The following STK38L variants were observed in gnomAD, a reference collection of about 807,000 sequenced individuals.
STK38L encodes serine/threonine kinase 38 like, also known as serine/threonine-protein kinase 38-like.
In STK38L, 28 loss-of-function variants were observed where a neutral mutation model predicts 59.7. That is an observed-to-expected ratio of 0.47 (90% CI 0.35 to 0.64). The LOEUF is 0.64. STK38L is among the 30% of genes least tolerant of loss of function. The probability of loss-of-function intolerance (pLI) is 0.01; values close to 1 mark genes in which losing one functional copy is unlikely to be tolerated. For synonymous variants in STK38L, 162 were observed against 176.8 expected, an observed-to-expected ratio of 0.92 and a Z score of 0.66; for missense variants, 314 against 555.8, an observed-to-expected ratio of 0.56 and a Z score of 4.37.
At position 27,322,175 on chromosome 12, in the gene STK38L, A is replaced by G. The variant is rs765046515; in HGVS notation, c.1208A>G (p.Lys403Arg). Residue 403 changes from lysine (K) to arginine (R), a missense_variant, in exon 13 of 14, where the codon AAA becomes AGA. Physicochemically the swap from Lys to Arg is conservative, Grantham distance 26 (BLOSUM62 2). Around this residue, in one of 3 missense-constraint regions of STK38L, gnomAD observed 94 missense variants for 142.2 expected, o/e 0.66. Transcript: ENST00000389032. ...CCAGCAGCAATCCCTATAGAAATCAAAAGCATTGATGATACTTCAAATTTT... is the reference window on the plus strand; with the variant it reads ...CCAGCAGCAATCCCTATAGAAATCAGAAGCATTGATGATACTTCAAATTTT... ...ERPAAIPIEI[K>R]SIDDTSNFDD... 1.1e-5 allele frequency: 18 copies of G among 1,613,786 alleles called. No homozygotes were observed. In the Admixed American group the frequency reaches 1.3e-4, roughly 12 times the overall value.
At chr12:27,285,266 T>A (rs1041064574) in intron 1 of STK38L, among the ~76,000 whole-genome samples, 1 of 152,014 alleles carries the variant, frequency 6.6e-6, no homozygotes, top group Admixed American at 6.5e-5. Context: ...AATTAAGAAA[T>A]AAAAAAGGAA....
chr12:27,308,545 C>T lies in STK38L; in HGVS notation c.309+84C>T. On this transcript the variant is annotated intron_variant, in intron 4 of 13. Transcript: ENST00000389032. This position sits in a 1 kb window ranked among gnomAD's most constrained non-coding sequence, Gnocchi z 4.5. ...ATATGTGTTAAAATATAATTCCTGG[C>T]TGGGTGCGGTGGCTCACGCCTGTAA... 1 of 1,310,120 alleles carries T rather than the reference C, an allele frequency of 7.6e-7. No individual in the cohort carries two copies. Among genetic ancestry groups the T allele is most frequent in the Non-Finnish European group, 9.9e-7 (1 of 1,009,978 alleles). The allele number at this position is 1,310,120 out of a possible 1,614,324, so 81.2% of individuals were successfully genotyped here.
intron 5 of STK38L, among the ~76,000 whole-genome samples, chr12:27,311,256 T>G (rs1373063357): frequency 6.6e-6 from 1 of 152,238 alleles, no homozygotes; most frequent in East Asian, 1.9e-4. Flanking sequence ...CACTTTTCAC[T>G]TAATGAAACA....
intron 1 of STK38L, among the ~76,000 whole-genome samples, chr12:27,261,223 G>T (rs1341675367): frequency 6.6e-6 from 1 of 152,136 alleles, no homozygotes; most frequent in Non-Finnish European, 1.5e-5. Flanking sequence ...TTATCTGTGG[G>T]AGAATTCTAG....
chr12:27,273,697 T>A, intron 1 of STK38L, among the ~76,000 whole-genome samples: 1 of 149,318 alleles, frequency 6.7e-6, no homozygotes, highest in Non-Finnish European at 1.5e-5. Context: ...ATAGCCTCAC[T>A]GCTGAGAAAA....
rs754620405 is a variant in STK38L, at chr12:27,312,628, A to T, written c.473A>T (p.Gln158Leu). ...AWVVKMFYSF[Q>L]DKRNLYLIME... ...GTGGTGAAGATGTTTTACAGTTTTC[A>T]GGATAAGAGGAATCTTTATCTAATC... The change falls in exon 6 of 14, where the codon CAG becomes CTG. Residue 158 changes from glutamine (Q) to leucine (L), a missense_variant. Gln to Leu is a moderately radical substitution (Grantham distance 113). Around this residue, in one of 3 missense-constraint regions of STK38L, gnomAD observed 192 missense variants for 316.9 expected, o/e 0.61. Coordinates refer to ENST00000389032, the MANE Select transcript of STK38L (RefSeq NM_015000.4). 6.2e-7 allele frequency: 1 copy of T among 1,614,120 alleles called. No homozygotes were observed. The highest frequency in any genetic ancestry group is 8.5e-7 in the Non-Finnish European group (1 of 1,180,000).
At chr12:27,269,083 G>C (rs1943363250) in intron 1 of STK38L, among the ~76,000 whole-genome samples, 1 of 152,178 alleles carries the variant, frequency 6.6e-6, no homozygotes, top group Non-Finnish European at 1.5e-5. Context: ...TGTTCACTCT[G>C]ATGGTAGTTT....
At chr12:27,309,979 A>T (rs945522643) in intron 5 of STK38L, among the ~76,000 whole-genome samples, 1 of 152,098 alleles carries the variant, frequency 6.6e-6, no homozygotes, top group African/African-American at 2.4e-5. Context: ...TAAAGGAGGG[A>T]TGGCTTTTTG....
intron 1 of STK38L, among the ~76,000 whole-genome samples, chr12:27,276,640 A>G (rs1196470849): frequency 2.6e-5 from 4 of 152,266 alleles, no homozygotes; most frequent in Non-Finnish European, 5.9e-5. Flanking sequence ...AAGGTTAAAT[A>G]GTTTTAAAAA....
intron 7 of STK38L, among the ~76,000 whole-genome samples, 175 bp from the exon 8 acceptor site, chr12:27,314,840 T>G (rs1944547040): frequency 6.6e-6 from 1 of 152,200 alleles, no homozygotes; most frequent in Admixed American, 6.5e-5. Flanking sequence ...TCTTTTTATC[T>G]CCCTCCATTT....
intron 1 of STK38L, among the ~76,000 whole-genome samples, chr12:27,286,084 A>G (rs957922922): frequency 2.0e-5 from 3 of 151,938 alleles, no homozygotes; most frequent in Non-Finnish European, 4.4e-5. Flanking sequence ...TTATTCTCTG[A>G]TTTGTCTTTA....
intron 2 of STK38L, among the ~76,000 whole-genome samples, chr12:27,299,096 G>T (rs12581697): frequency 0.039 from 5,989 of 152,222 alleles, 410 homozygotes; most frequent in East Asian, 0.33. Flanking sequence ...AAGAAAGATT[G>T]ACAAAATGTG....
chr12:27,259,639 TC>T lies in STK38L; in HGVS notation c.-12+15314del, dbSNP rs869149204. Reference sequence around the variant, plus strand: ...GCAAAATAGAAGTGAAGGGTTTCTTTCCCCCCCTTTTTTTTCCTATCATGTA... The same window carrying T: ...GCAAAATAGAAGTGAAGGGTTTCTTTCCCCCCTTTTTTTTCCTATCATGTA... On this transcript the variant is annotated intron_variant, in intron 1 of 13. Coordinates refer to ENST00000389032, the MANE Select transcript of STK38L (RefSeq NM_015000.4). Among the ~76,000 whole-genome samples the T allele has an allele frequency of 2.6e-5, 4 of 152,028 alleles. 1 individual carries two copies. The highest frequency in any genetic ancestry group is 4.2e-4 in the South Asian group (2 of 4,816).
intron 1 of STK38L, among the ~76,000 whole-genome samples, chr12:27,289,497 C>T (rs1193718567): frequency 6.6e-6 from 1 of 152,188 alleles, no homozygotes; most frequent in East Asian, 1.9e-4. Flanking sequence ...CATAGGAAAA[C>T]TATTTCGAAA....
Position 27,279,104 on chromosome 12 carries a change from C to T in STK38L, c.-11-18606C>T, listed in dbSNP as rs377232382. On this transcript the variant is annotated intron_variant, in intron 1 of 13. Coordinates refer to ENST00000389032, the MANE Select transcript of STK38L (RefSeq NM_015000.4). ...ATCGAGGAGGTCATTATGATTTCTA[C>T]TGAATGTGCCTCATTTTCGGACCAT... 2.7e-4 allele frequency among the ~76,000 whole-genome samples: 41 copies of T among 152,252 alleles called. No homozygotes were observed. In the South Asian group the frequency reaches 8.5e-3, roughly 32 times the overall value.
At chr12:27,275,613 A>G (rs1474975613) in intron 1 of STK38L, among the ~76,000 whole-genome samples, 3 of 152,172 alleles carry the variant, frequency 2.0e-5, no homozygotes, top group African/African-American at 7.2e-5. Context: ...TGTTGGGATT[A>G]CAGGCATGAG....
chr12:27,297,294 C>T (rs1443667947), intron 1 of STK38L: 1 of 154,700 alleles, frequency 6.5e-6, no homozygotes, highest in Non-Finnish European at 1.4e-5. Context: ...TACTATTAAA[C>T]TAAACTGCAT....
In STK38L at chr12:27,322,380, T is replaced by G; in HGVS notation, c.1320T>G (p.Asn440Lys). 6.2e-7 allele frequency: 1 copy of G among 1,614,102 alleles called. No homozygotes were observed. Among genetic ancestry groups the G allele is most frequent in the Non-Finnish European group, 8.5e-7 (1 of 1,179,970 alleles). Residue 440 changes from asparagine to lysine, a missense_variant, in exon 14 of 14, where the codon AAT becomes AAG. Asn to Lys is a moderately conservative substitution (Grantham distance 94, BLOSUM62 0). This residue lies in a region of STK38L where 94 missense variants were observed against 142.2 expected (regional missense o/e 0.66). Coordinates refer to ENST00000389032, the MANE Select transcript of STK38L (RefSeq NM_015000.4). ...AATCCAAAGACTGGGTTTTTCTCAA[T>G]TATACCTATAAAAGGTTTGAAGGGT... ...DYKSKDWVFL[N>K]YTYKRFEGLT... is the part of the protein sequence containing the mutation.
intron 1 of STK38L, among the ~76,000 whole-genome samples, chr12:27,275,069 C>T (rs1444191694): frequency 6.6e-6 from 1 of 152,276 alleles, no homozygotes; most frequent in South Asian, 2.1e-4. Flanking sequence ...GACTTAAAAT[C>T]TTTTAAATGG....
Sources: gnomAD v4.1 joint callset for allele counts (sites outside exome capture counted in the v4.1 genomes callset) on GRCh38, gnomAD v4.1.1 for gene constraint, gnomAD v4.1.1 regional missense constraint, Gnocchi (gnomAD v3.1) non-coding constraint, MANE v1.5 for transcripts, NCBI Gene and HGNC (gene_info 2026-07-23, HGNC 2026-07-21) for gene names.